Variants in GSK3B observed in about 807,000 individuals in gnomAD.
The protein encoded by GSK3B is glycogen synthase kinase 3 beta.
GSK3B carries 15 observed loss-of-function variants against 56.4 expected under a neutral mutation model. That is an observed-to-expected ratio of 0.27 (90% CI 0.18 to 0.41). The LOEUF (loss-of-function observed/expected upper bound fraction) is 0.41. Among genes scored for constraint, GSK3B ranks in the 10% least tolerant of loss-of-function variants. GSK3B has a pLI of 1.00. For synonymous variants in GSK3B, 181 were observed against 188.9 expected (o/e 0.96, Z 0.34); for missense variants, 300 against 513.4 (o/e 0.58, Z 4.02).
At chr3:119,945,435 C>T (rs1330957018) in intron 3 of GSK3B, among the ~76,000 whole-genome samples, 1 of 151,938 alleles carries the variant, frequency 6.6e-6, no homozygotes, top group African/African-American at 2.4e-5. Context: ...CTGTAAGAAC[C>T]TTTAAGATAA....
chr3:119,847,313 TAA>T (rs370648735), intron 9 of GSK3B, among the ~76,000 whole-genome samples: 9 of 150,786 alleles, frequency 6.0e-5, no homozygotes, highest in Non-Finnish European at 1.3e-4. Flanking sequence ...AGAATAAGTT[TAA>T]AAAAAAATAC....
chr3:119,991,042 G>A (rs2057560008), intron 2 of GSK3B, among the ~76,000 whole-genome samples: 1 of 152,172 alleles, frequency 6.6e-6, no homozygotes, highest in Non-Finnish European at 1.5e-5. Context: ...CAGAACAAGT[G>A]AAACTAGGCA....
intron 1 of GSK3B, among the ~76,000 whole-genome samples, chr3:120,033,648 C>G (rs2057996768): frequency 6.6e-6 from 1 of 152,176 alleles, no homozygotes; most frequent in Admixed American, 6.5e-5. Context: ...TTGTAATCCT[C>G]ATGTATTGGA....
intron 9 of GSK3B, among the ~76,000 whole-genome samples, chr3:119,859,507 C>T (rs60675046): frequency 0.026 from 3,940 of 152,138 alleles, 176 homozygotes; most frequent in African/African-American, 0.089. Flanking sequence ...GAAAGAAATA[C>T]AAACTTTTGA....
At chr3:119,891,473 C>T (rs1358234303) in intron 7 of GSK3B, among the ~76,000 whole-genome samples, 2 of 151,982 alleles carry the variant, frequency 1.3e-5, no homozygotes, top group Non-Finnish European at 2.9e-5. Flanking sequence ...CTGATTTACT[C>T]CAGCTGAATT....
chr3:119,957,451 A>C (rs2057226661), intron 2 of GSK3B, among the ~76,000 whole-genome samples: 3 of 152,356 alleles, frequency 2.0e-5, no homozygotes, highest in African/African-American at 7.2e-5. Flanking sequence ...TAATATGACT[A>C]CTAAAGTAGA....
intron 7 of GSK3B, among the ~76,000 whole-genome samples, chr3:119,901,202 T>C (rs2056621592): frequency 6.6e-6 from 1 of 152,176 alleles, no homozygotes; most frequent in Non-Finnish European, 1.5e-5. Flanking sequence ...ATCATATATT[T>C]CTTGAGGTTT....
At chr3:119,972,942 C>T (rs1166179554) in intron 2 of GSK3B, among the ~76,000 whole-genome samples, 1 of 152,148 alleles carries the variant, frequency 6.6e-6, no homozygotes, top group African/African-American at 2.4e-5. Flanking sequence ...TTTTCCTAGG[C>T]TTCCAATTTG....
At chr3:119,899,841 T>C (rs962026599) in intron 7 of GSK3B, among the ~76,000 whole-genome samples, 2 of 152,138 alleles carry the variant, frequency 1.3e-5, no homozygotes, top group Non-Finnish European at 2.9e-5. Context: ...CTATTCTCCA[T>C]TGTAGAATTT....
In GSK3B at chr3:120,009,103, T is replaced by G. The variant is rs565125529; in HGVS notation, c.89-6864A>C. On this transcript the variant is annotated intron_variant, in intron 1 of 10. Coordinates refer to ENST00000264235, the MANE Select transcript of GSK3B (RefSeq NM_001146156.2). ...AAAAAATGCTCATCGTCACTGGTTA[T>G]TAGAGAAATGCAAATCAGAACCACA... Among the ~76,000 whole-genome samples, 3 of 152,306 alleles carry G rather than the reference T, an allele frequency of 2.0e-5. No homozygotes were observed. In the East Asian group the frequency reaches 5.8e-4, roughly 29 times the overall value.
chr3:120,012,519 A>G (rs1395992836), intron 1 of GSK3B, among the ~76,000 whole-genome samples: 1 of 152,234 alleles, frequency 6.6e-6, no homozygotes, highest in Non-Finnish European at 1.5e-5. Flanking sequence ...CTCACATTGT[A>G]CAAATTCCCT....
At chr3:119,864,463 G>A (rs2056149667) in intron 8 of GSK3B, among the ~76,000 whole-genome samples, 1 of 152,046 alleles carries the variant, frequency 6.6e-6, no homozygotes. Flanking sequence ...AAATAAAAAG[G>A]TAAGGATAGA....
chr3:119,824,329 G>GCACACACA lies in GSK3B; in HGVS notation c.*2451_*2458dup, dbSNP rs3835183. The GCACACACA allele has an allele frequency of 1.5e-5, 3 of 204,588 alleles. No homozygotes were observed. The highest frequency in any genetic ancestry group is 6.9e-5 in the African/African-American group (3 of 43,430). 12.7% of individuals were successfully genotyped at this position (204,588 alleles called of 1,614,324 possible). A position where few individuals can be genotyped will look rare whatever the true frequency, so the allele number is the denominator to read the frequency against. ...TGAGAAAGAAAAATCACACATCTCA[G>GCACACACA]CACACACACACACACACACACACGC... On this transcript the variant is annotated 3_prime_UTR_variant, in exon 11 of 11. Transcript: ENST00000264235.
intron 8 of GSK3B, among the ~76,000 whole-genome samples, chr3:119,866,405 G>A (rs2056183623): frequency 6.6e-6 from 1 of 152,172 alleles, no homozygotes; most frequent in South Asian, 2.1e-4. Flanking sequence ...CCAAGAGGCT[G>A]ACAATCTAAA....
intron 9 of GSK3B, among the ~76,000 whole-genome samples, chr3:119,852,064 T>C (rs1348077120): frequency 6.6e-6 from 1 of 152,202 alleles, no homozygotes; most frequent in African/African-American, 2.4e-5. Context: ...ACCATGTTCC[T>C]AATGCTAAAC....
intron 3 of GSK3B, among the ~76,000 whole-genome samples, chr3:119,941,385 A>G (rs2057047713): frequency 6.6e-6 from 1 of 152,170 alleles, no homozygotes; most frequent in Non-Finnish European, 1.5e-5. Flanking sequence ...TTAATGTTCT[A>G]TTTCTAGCAC....
chr3:119,894,550 T>C (rs992298007), intron 7 of GSK3B, among the ~76,000 whole-genome samples: 4 of 152,168 alleles, frequency 2.6e-5, no homozygotes, highest in African/African-American at 9.6e-5. Context: ...CATTTGTGTA[T>C]CTTCTTTAGA....
chr3:119,859,460 A>G (rs1577320495), intron 9 of GSK3B, among the ~76,000 whole-genome samples: 1 of 152,210 alleles, frequency 6.6e-6, no homozygotes, highest in South Asian at 2.1e-4. Context: ...ATTAATTACA[A>G]TAGATTTTAT....
intron 2 of GSK3B, among the ~76,000 whole-genome samples, chr3:119,982,384 G>A (rs147367327): frequency 1.1e-4 from 17 of 152,314 alleles, no homozygotes; most frequent in East Asian, 7.7e-4. Flanking sequence ...GACAGAAGTA[G>A]GCTTCATAAG....
Sources: allele counts gnomAD v4.1 joint callset (sites outside exome capture counted in the v4.1 genomes callset), GRCh38; gene constraint gnomAD v4.1.1; transcripts MANE v1.5; gene names NCBI Gene and HGNC (gene_info 2026-07-23, HGNC 2026-07-21).